The following SYNPO2 variants were observed in gnomAD, a reference collection of about 807,000 sequenced individuals.
The protein encoded by SYNPO2 is synaptopodin 2.
A neutral mutation model predicts 85.0 loss-of-function variants in SYNPO2; 56 were observed. That is an observed-to-expected ratio of 0.66 (90% CI 0.53 to 0.82). The LOEUF is 0.82. Ranked by LOEUF, SYNPO2 falls within the 40% of genes least tolerant of loss-of-function variation. The pLI is 0.00. For synonymous variants in SYNPO2, 602 were observed against 591.1 expected, an observed-to-expected ratio of 1.02 and a Z score of -0.27; for missense variants, 1,575 against 1,534.2, an observed-to-expected ratio of 1.03 and a Z score of -0.44.
chr4:118,939,101 A>G (rs781640345), intron 1 of SYNPO2, among the ~76,000 whole-genome samples: 1 of 152,212 alleles, frequency 6.6e-6, no homozygotes, highest in African/African-American at 2.4e-5. Flanking sequence ...GAGGCACCGA[A>G]TTTAAAATAG....
At chr4:118,913,833 C>T (rs1057371029) in intron 1 of SYNPO2, among the ~76,000 whole-genome samples, 4 of 152,142 alleles carry the variant, frequency 2.6e-5, no homozygotes, top group African/African-American at 9.7e-5. Context: ...CTTTCAAATG[C>T]ATCATCTTAT....
At chr4:119,036,305 T>G in intron 4 of SYNPO2, 1 of 985,346 alleles carries the variant, frequency 1.0e-6, no homozygotes, top group Non-Finnish European at 1.2e-6. Context: ...TTAAACATTT[T>G]TATAAGTTCA....
chr4:119,003,065 T>C (rs1425044273), intron 1 of SYNPO2, among the ~76,000 whole-genome samples: 1 of 152,224 alleles, frequency 6.6e-6, no homozygotes, highest in Non-Finnish European at 1.5e-5. Flanking sequence ...CTTTTATTTT[T>C]ATCTTTTTGT....
intron 1 of SYNPO2, among the ~76,000 whole-genome samples, chr4:118,964,923 G>A (rs187457910): frequency 1.7e-4 from 26 of 152,226 alleles, no homozygotes; most frequent in African/African-American, 4.6e-4. Context: ...CTCCTGGCTC[G>A]TTGAGATCTG....
chr4:119,022,690 GTATTT>G (rs200159722), intron 1 of SYNPO2, among the ~76,000 whole-genome samples: 3,065 of 139,480 alleles, frequency 0.022, 101 homozygotes, highest in African/African-American at 0.078. Context: ...TATTTTAATT[GTATTT>G]TATTTTATTT....
At chr4:118,890,841 G>T (rs1407869487) in intron 1 of SYNPO2, among the ~76,000 whole-genome samples, 1 of 151,870 alleles carries the variant, frequency 6.6e-6, no homozygotes, top group African/African-American at 2.4e-5. Flanking sequence ...GCTCTGTCTT[G>T]CCCAAGTATT....
intron 1 of SYNPO2, among the ~76,000 whole-genome samples, chr4:118,922,660 A>G (rs529009606): frequency 5.3e-4 from 80 of 152,032 alleles, no homozygotes; most frequent in African/African-American, 1.9e-3. Context: ...TCATGTAACC[A>G]AAGAGGGTTA....
Position 118,855,191 on chromosome 4 carries a change from G to A in SYNPO2, c.12+4251G>A, listed in dbSNP as rs73842271. ...TGGGCAAAATTTGACTTTGAAATTTGATGGTAGATCTTTGGAATATTTTGA... is the reference window on the plus strand; with the variant it reads ...TGGGCAAAATTTGACTTTGAAATTTAATGGTAGATCTTTGGAATATTTTGA... On this transcript the variant is annotated intron_variant, in intron 1 of 4. Coordinates refer to the SYNPO2 transcript ENST00000610556. Among the ~76,000 whole-genome samples the A allele has an allele frequency of 7.2e-3, 1,093 of 151,082 alleles. 11 individuals carry two copies. The highest frequency in any genetic ancestry group is 0.025 in the African/African-American group (1,036 of 41,286).
chr4:118,950,666 GCTTA>G (rs1011270880), intron 1 of SYNPO2, among the ~76,000 whole-genome samples: 108 of 152,236 alleles, frequency 7.1e-4, no homozygotes, highest in African/African-American at 2.5e-3. Flanking sequence ...GGGTTGGTTG[GCTTA>G]CTTATGAAAA....
At chr4:118,853,181 A>G (rs956648833) in intron 1 of SYNPO2, among the ~76,000 whole-genome samples, 1 of 152,204 alleles carries the variant, frequency 6.6e-6, no homozygotes, top group African/African-American at 2.4e-5. Context: ...AGTTGACTTC[A>G]TTCCTATTTG....
At chr4:118,982,973 T>G (rs954175858) in intron 1 of SYNPO2, among the ~76,000 whole-genome samples, 1 of 152,108 alleles carries the variant, frequency 6.6e-6, no homozygotes, top group Non-Finnish European at 1.5e-5. Context: ...GCTTCTTTAG[T>G]GCAACCTCAG....
intron 1 of SYNPO2, among the ~76,000 whole-genome samples, chr4:118,959,322 A>T (rs150489114): frequency 1.1e-4 from 17 of 152,358 alleles, no homozygotes; most frequent in African/African-American, 3.8e-4. Flanking sequence ...GAATTTGCTA[A>T]ATAGGTTTCA....
chr4:118,950,141 T>G (rs145202275), intron 1 of SYNPO2, among the ~76,000 whole-genome samples: 19 of 152,342 alleles, frequency 1.2e-4, no homozygotes, highest in Middle Eastern at 3.4e-3. Context: ...CTAAAGAATT[T>G]TAGAAAATCA....
intron 4 of SYNPO2, chr4:119,035,915 T>C: frequency 4.1e-6 from 4 of 985,344 alleles, no homozygotes; most frequent in Non-Finnish European, 4.8e-6. Flanking sequence ...TTAAAGAACT[T>C]TGAAGGTCAT....
chr4:118,856,812 AT>A (rs1454782516), intron 1 of SYNPO2, among the ~76,000 whole-genome samples: 2 of 152,124 alleles, frequency 1.3e-5, no homozygotes, highest in African/African-American at 4.8e-5. Context: ...CCTGGCCTAT[AT>A]TTTTAAAAAT....
In SYNPO2 at chr4:119,060,201, C is replaced by G. The variant is rs2149203840; in HGVS notation, c.*2267C>G. ...AAATAGAGAGGAGACTTTAAACTTA[C>G]ATGTTAGCATAAAACAGACTTCTCT... is the stretch of plus-strand genomic sequence containing the variant. On this transcript the variant is annotated 3_prime_UTR_variant, in exon 5 of 5. Coordinates refer to ENST00000307142, the MANE Select transcript of SYNPO2 (RefSeq NM_133477.3). 6.6e-6 allele frequency: 1 copy of G among 152,238 alleles called. No homozygotes were observed. The highest frequency in any genetic ancestry group is 1.5e-5 in the Non-Finnish European group (1 of 67,978). 9.4% of individuals were successfully genotyped at this position (152,238 alleles called of 1,614,324 possible).
Position 118,888,891 on chromosome 4 carries a change from G to GGCAGCGGCT in SYNPO2, c.-140_-132dup. On this transcript the variant is annotated 5_prime_UTR_variant, in exon 1 of 5. Transcript: ENST00000307142. The stretch of plus-strand genomic sequence containing the variant: ...AGCAGGCGGCTGGGGCGGCGGCTGG[G>GGCAGCGGCT]GCAGCGGCTGCAGCAGCGGCGGACG... 1.2e-6 allele frequency: 1 copy of GGCAGCGGCT among 804,230 alleles called. No individual in the cohort carries two copies. Among genetic ancestry groups the GGCAGCGGCT allele is most frequent in the Non-Finnish European group, 2.0e-6 (1 of 494,184 alleles). 49.8% of individuals were successfully genotyped at this position (804,230 alleles called of 1,614,324 possible).
Position 119,026,634 on chromosome 4 carries a change from A to G in SYNPO2, c.265A>G (p.Ser89Gly). The G allele has an allele frequency of 6.2e-7, 1 of 1,600,954 alleles. No individual in the cohort carries two copies. The highest frequency in any genetic ancestry group is 1.1e-5 in the South Asian group (1 of 88,522). Residue 89 changes from serine (S) to glycine (G), a missense_variant, in exon 3 of 5, where the codon AGT becomes GGT. Ser to Gly is a moderately conservative substitution (Grantham distance 56). Transcript: ENST00000307142. The stretch of plus-strand genomic sequence containing the variant: ...TGATTTTTCTGTGTGCAGACCATCC[A>G]GTGGAATAAGTGAGGCTTTGATATC... ...SLQMLIKRPSSGISEALISEN... is the reference protein window; with the variant it reads ...SLQMLIKRPSGGISEALISEN...
intron 1 of SYNPO2, among the ~76,000 whole-genome samples, chr4:118,933,835 T>TTTTTG (rs1284889347): frequency 2.7e-5 from 4 of 147,440 alleles, no homozygotes; most frequent in Non-Finnish European, 4.5e-5. Flanking sequence ...TGTTGTTTTT[T>TTTTTG]TTTTTTTTTT....
Sources: gnomAD v4.1 joint callset for allele counts (sites outside exome capture counted in the v4.1 genomes callset) on GRCh38, gnomAD v4.1.1 for gene constraint, MANE v1.5 for transcripts, NCBI Gene and HGNC (gene_info 2026-07-23, HGNC 2026-07-21) for gene names.